The following SUMF1 variants were observed in gnomAD, a reference collection of about 807,000 sequenced individuals.
SUMF1 encodes the protein formylglycine-generating enzyme.
A neutral mutation model predicts 47.6 loss-of-function variants in SUMF1; 48 were observed. That is an observed-to-expected ratio of 1.01 (90% CI 0.80 to 1.28). The LOEUF is 1.28. SUMF1 is among the 50% of genes most tolerant of loss of function. The pLI is 0.00. For missense variants in SUMF1, 571 were observed against 485.4 expected (o/e 1.18, Z -1.66); for synonymous variants, 230 against 192.1 (o/e 1.20, Z -1.63).
At chr3:4,348,476 T>C (rs308709) in intron 8 of SUMF1, among the ~76,000 whole-genome samples, 9,743 of 152,214 alleles carry the variant, frequency 0.064, 513 homozygotes, top group South Asian at 0.28. Context: ...GCTAGCCATA[T>C]GCAGAAAACT....
chr3:4,415,163 G>A (rs1417485267), intron 6 of SUMF1, among the ~76,000 whole-genome samples: 2 of 147,694 alleles, frequency 1.4e-5, no homozygotes, highest in African/African-American at 5.1e-5. Flanking sequence ...GGAGGCGGAG[G>A]TTGGAGTGAG....
intron 9 of SUMF1, among the ~76,000 whole-genome samples, chr3:4,065,028 G>C (rs1695345237): frequency 6.6e-6 from 1 of 152,108 alleles, no homozygotes; most frequent in South Asian, 2.1e-4. Context: ...CCATGGTGCA[G>C]TTCTCCACCC....
intron 8 of SUMF1, among the ~76,000 whole-genome samples, chr3:4,086,065 C>T (rs1402971995): frequency 3.3e-5 from 5 of 151,998 alleles, no homozygotes; most frequent in Admixed American, 2.0e-4. Flanking sequence ...ACAAGATCCA[C>T]AACACAATAA....
chr3:4,390,261 G>A (rs1488545256), intron 7 of SUMF1, among the ~76,000 whole-genome samples: 1 of 152,114 alleles, frequency 6.6e-6, no homozygotes, highest in East Asian at 1.9e-4. Context: ...TCCCCACCTG[G>A]TTGTATACAG....
At chr3:4,039,243 C>A (rs1446526910) in intron 9 of SUMF1, among the ~76,000 whole-genome samples, 3 of 27,386 alleles carry the variant, frequency 1.1e-4, no homozygotes, top group East Asian at 1.9e-3. Flanking sequence ...TTATTATACT[C>A]TAAGTTTTAG....
chr3:4,204,955 T>C (rs2125155838), intron 8 of SUMF1, among the ~76,000 whole-genome samples: 1 of 152,252 alleles, frequency 6.6e-6, no homozygotes, highest in South Asian at 2.1e-4. Flanking sequence ...AAAGGTCACA[T>C]ATCTCTGTCA....
At chr3:4,076,745 A>G (rs1198165075) in intron 8 of SUMF1, among the ~76,000 whole-genome samples, 1 of 152,178 alleles carries the variant, frequency 6.6e-6, no homozygotes, top group Non-Finnish European at 1.5e-5. Flanking sequence ...CACGCCTGTA[A>G]TCCCAGCACT....
At chr3:4,247,128 A>G (rs977940560) in intron 8 of SUMF1, among the ~76,000 whole-genome samples, 1 of 152,212 alleles carries the variant, frequency 6.6e-6, no homozygotes, top group Non-Finnish European at 1.5e-5. Context: ...CAAAGGAGGC[A>G]TATTTTTTCA....
At chr3:4,330,225 T>C (rs192073057) in intron 8 of SUMF1, among the ~76,000 whole-genome samples, 1 of 152,344 alleles carries the variant, frequency 6.6e-6, no homozygotes, top group Non-Finnish European at 1.5e-5. Context: ...CCTCTGCCTG[T>C]TACCCAGTTC....
intron 7 of SUMF1, among the ~76,000 whole-genome samples, chr3:4,406,863 C>A (rs1701392395): frequency 6.6e-6 from 1 of 152,132 alleles, no homozygotes; most frequent in South Asian, 2.1e-4. Flanking sequence ...TGTTATATAA[C>A]CTCTACATAT....
At chr3:4,064,476 T>A (rs919746950) in intron 9 of SUMF1, among the ~76,000 whole-genome samples, 1 of 152,172 alleles carries the variant, frequency 6.6e-6, no homozygotes, top group Non-Finnish European at 1.5e-5. Flanking sequence ...TTGTTTAGCA[T>A]ATAATCAAGA....
intron 7 of SUMF1, among the ~76,000 whole-genome samples, chr3:4,405,916 A>C (rs1443857223): frequency 1.3e-5 from 2 of 152,224 alleles, no homozygotes; most frequent in Non-Finnish European, 2.9e-5. Flanking sequence ...AAGCATAAGC[A>C]AAGTTTTCAT....
intron 8 of SUMF1, among the ~76,000 whole-genome samples, chr3:4,273,997 A>G (rs1331927095): frequency 1.3e-5 from 2 of 152,014 alleles, no homozygotes; most frequent in African/African-American, 2.4e-5. Context: ...CTGGACCTCA[A>G]TGTTTAGCAT....
At chr3:4,035,235 G>A (rs317610) in intron 9 of SUMF1, among the ~76,000 whole-genome samples, 148,820 of 152,294 alleles carry the variant, frequency 0.98, 72,812 homozygotes, top group Middle Eastern at 1. Flanking sequence ...AACAACAAGA[G>A]TGTACTGTCT....
chr3:4,256,995 G>A (rs375567170), intron 8 of SUMF1, among the ~76,000 whole-genome samples: 35 of 112,820 alleles, frequency 3.1e-4, no homozygotes, highest in South Asian at 7.5e-4. Flanking sequence ...TATAAACAGA[G>A]CCAAAGACAA....
At chr3:4,313,190 G>T (rs535462490) in intron 8 of SUMF1, 2 of 1,613,880 alleles carry the variant, frequency 1.2e-6, no homozygotes, top group South Asian at 1.1e-5. Flanking sequence ...CATAAAAAAG[G>T]CTGGGGACTT....
At chr3:4,351,257 A>G (rs1427579164) in intron 8 of SUMF1, among the ~76,000 whole-genome samples, 1 of 152,200 alleles carries the variant, frequency 6.6e-6, no homozygotes, top group Non-Finnish European at 1.5e-5. Flanking sequence ...ATTTTTACAA[A>G]TGTTCTGGAA....
rs1484577683 is a variant in SUMF1 at position 4,317,259 on chromosome 3, G to A, written c.1014+59071C>T. ...CTATTTTGATTAATAAAAATGCGTT[G>A]AGCCTAGTTATAATGATTTAAAATT... On this transcript the variant is annotated intron_variant and NMD_transcript_variant, in intron 8 of 12. Transcript: ENST00000448413. The A allele has an allele frequency of 2.0e-6, 3 of 1,506,316 alleles. No homozygotes were observed. In the East Asian group the frequency reaches 7.4e-5, roughly 37 times the overall value. 93.3% of individuals were successfully genotyped at this position (1,506,316 alleles called of 1,614,324 possible).
At chr3:4,249,221 T>G (rs550227181) in intron 8 of SUMF1, among the ~76,000 whole-genome samples, 3 of 152,370 alleles carry the variant, frequency 2.0e-5, no homozygotes, top group African/African-American at 7.2e-5. Context: ...TAGTCTGCTA[T>G]GAACTATGCA....
Sources: gnomAD v4.1 joint callset for allele counts (sites outside exome capture counted in the v4.1 genomes callset) on GRCh38, gnomAD v4.1.1 for gene constraint, MANE v1.5 for transcripts, NCBI Gene and HGNC (gene_info 2026-07-23, HGNC 2026-07-21) for gene names.